MSI2: variants seen among roughly 807,000 people sequenced by gnomAD.
MSI2 encodes RNA-binding protein Musashi homolog 2.
In MSI2, 17 loss-of-function variants were observed where a neutral mutation model predicts 45.6. The observed-to-expected ratio is 0.37, with a 90% confidence interval of 0.26 to 0.56. MSI2 has a LOEUF of 0.56. Among genes scored for constraint, MSI2 ranks in the 20% least tolerant of loss-of-function variants. MSI2 has a pLI of 0.77. For missense variants in MSI2, 293 were observed against 444.2 expected, an observed-to-expected ratio of 0.66 and a Z score of 3.06; for synonymous variants, 156 against 158.2, an observed-to-expected ratio of 0.99 and a Z score of 0.11.
At chr17:57,696,801 A>G in the MSI2 span, among the ~76,000 whole-genome samples, 10 of 152,150 alleles carry the variant, frequency 6.6e-5, no homozygotes, top group Non-Finnish European at 1.2e-4. Context: ...CTGGGGTAAT[A>G]TGGATTTGAG....
Position 57,256,724 on chromosome 17 carries a change from G to C in MSI2, c.-19G>C. On this transcript the variant is annotated 5_prime_UTR_variant, in exon 1 of 14. Coordinates refer to ENST00000284073, the MANE Select transcript of MSI2 (RefSeq NM_138962.4). Reference sequence around the variant, plus strand: ...TGGGGCTTGGTTTTTTGGGGGTGGGGGGGCGGGGGGGCTCAGATATGGAGG... The same window carrying C: ...TGGGGCTTGGTTTTTTGGGGGTGGGCGGGCGGGGGGGCTCAGATATGGAGG... 1 of 581,550 alleles carries C rather than the reference G, an allele frequency of 1.7e-6. No individual in the cohort carries two copies. The highest frequency in any genetic ancestry group is 2.6e-6 in the Non-Finnish European group (1 of 390,320). The allele number at this position is 581,550 out of a possible 1,614,324, so 36.0% of individuals were successfully genotyped here.
intron 6 of MSI2, among the ~76,000 whole-genome samples, chr17:57,488,240 C>T (rs748927434): frequency 7.9e-5 from 12 of 152,166 alleles, no homozygotes; most frequent in Non-Finnish European, 1.8e-4. Context: ...CCCTTCTCCT[C>T]GTCCCAGGAG....
chr17:57,662,578 C>T (rs577125707), intron 11 of MSI2, among the ~76,000 whole-genome samples: 3 of 152,296 alleles, frequency 2.0e-5, no homozygotes, highest in African/African-American at 7.2e-5. Context: ...TGAGCCTAAG[C>T]CTGTCGTCAT....
chr17:57,496,658 G>A (rs905802687), intron 6 of MSI2, among the ~76,000 whole-genome samples: 4 of 152,304 alleles, frequency 2.6e-5, no homozygotes, highest in East Asian at 3.9e-4. Context: ...GGAGTGTTGC[G>A]GGCAGCCCTT....
intron 6 of MSI2, among the ~76,000 whole-genome samples, chr17:57,463,589 A>G (rs2085273013): frequency 6.6e-6 from 1 of 151,976 alleles, no homozygotes; most frequent in South Asian, 2.1e-4. Flanking sequence ...CTGCCTTCAC[A>G]TGGGGGTGCC....
intron 6 of MSI2, among the ~76,000 whole-genome samples, chr17:57,497,470 C>T (rs1487133647): frequency 2.6e-5 from 4 of 152,216 alleles, no homozygotes; most frequent in South Asian, 2.1e-4. Context: ...TCCCACCCTC[C>T]AGCAGTGCTG....
intron 5 of MSI2, among the ~76,000 whole-genome samples, chr17:57,284,393 C>T (rs1909688002): frequency 1.3e-5 from 2 of 152,120 alleles, no homozygotes; most frequent in Non-Finnish European, 2.9e-5. Flanking sequence ...ACTGATGTGT[C>T]TCTCACTCCA....
intron 11 of MSI2, among the ~76,000 whole-genome samples, chr17:57,668,369 T>C (rs527546728): frequency 6.6e-6 from 1 of 152,262 alleles, no homozygotes; most frequent in South Asian, 2.1e-4. Flanking sequence ...GAGTGTGACT[T>C]GACCAGAAGC....
At chr17:57,508,773 T>C (rs1454704061) in intron 6 of MSI2, among the ~76,000 whole-genome samples, 1 of 152,172 alleles carries the variant, frequency 6.6e-6, no homozygotes, top group African/African-American at 2.4e-5. Flanking sequence ...CTGGGAGATG[T>C]AGGGCACCTG....
rs1555621979 is a variant in MSI2 at position 57,547,789 on chromosome 17, C to CACAT, written c.454+18065_454+18066insACAT. 1.9e-3 allele frequency among the ~76,000 whole-genome samples: 281 copies of CACAT among 145,188 alleles called. 2 individuals are homozygous for CACAT. Among genetic ancestry groups the CACAT allele is most frequent in the Middle Eastern group, 3.6e-3 (1 of 274 alleles). ...ACACACACACACACACACACACACA[C>CACAT]GTCTCTGGAGAATTAACATAACCTA... On this transcript the variant is annotated intron_variant, in intron 7 of 13. Transcript: ENST00000284073.
At chr17:57,500,808 A>G (rs941882450) in intron 6 of MSI2, among the ~76,000 whole-genome samples, 2 of 150,430 alleles carry the variant, frequency 1.3e-5, no homozygotes, top group Non-Finnish European at 3.0e-5. Flanking sequence ...AAAAAAAAAA[A>G]AGGATTAGCA....
chr17:57,330,365 A>C (rs1480486437), intron 5 of MSI2, among the ~76,000 whole-genome samples: 2 of 150,836 alleles, frequency 1.3e-5, no homozygotes, highest in Non-Finnish European at 3.0e-5. Context: ...GCTCACTGCA[A>C]CCTCTGCCTC....
intron 10 of MSI2, chr17:57,631,642 TC>T: frequency 1.4e-6 from 1 of 692,816 alleles, no homozygotes; most frequent in Non-Finnish European, 2.4e-6. Context: ...CATCCAGGTG[TC>T]CACCCCAGCC....
At chr17:57,291,294 A>G (rs971078256) in intron 5 of MSI2, among the ~76,000 whole-genome samples, 5 of 152,182 alleles carry the variant, frequency 3.3e-5, no homozygotes, top group African/African-American at 1.2e-4. Flanking sequence ...CGCTGTGTAC[A>G]TGTGTGATCA....
At chr17:57,468,894 T>C (rs1209035538) in intron 6 of MSI2, among the ~76,000 whole-genome samples, 1 of 152,162 alleles carries the variant, frequency 6.6e-6, no homozygotes, top group African/African-American at 2.4e-5. Context: ...GACAGAATCT[T>C]TTCCCTTCTG....
chr17:57,495,504 G>T (rs1480433324), intron 6 of MSI2, among the ~76,000 whole-genome samples: 1 of 138,014 alleles, frequency 7.2e-6, no homozygotes, highest in Non-Finnish European at 1.5e-5. Flanking sequence ...CCACACTCCA[G>T]CCTGGGTGAC....
At chr17:57,349,398 G>A (rs778460271) in intron 5 of MSI2, among the ~76,000 whole-genome samples, 1 of 152,200 alleles carries the variant, frequency 6.6e-6, no homozygotes, top group African/African-American at 2.4e-5. Context: ...CATGAGAAGC[G>A]TGTGGTAAAC....
At chr17:57,663,299 A>G (rs1567966142) in intron 11 of MSI2, among the ~76,000 whole-genome samples, 1 of 152,192 alleles carries the variant, frequency 6.6e-6, no homozygotes, top group Non-Finnish European at 1.5e-5. Context: ...AGTAATTACT[A>G]CACAATTAGA....
intron 10 of MSI2, among the ~76,000 whole-genome samples, chr17:57,646,767 C>T (rs1001579638): frequency 2.0e-5 from 3 of 152,164 alleles, no homozygotes; most frequent in South Asian, 2.1e-4. Context: ...TCCCACAAGC[C>T]GTGGCCCCTG....
Sources: allele counts gnomAD v4.1 joint callset (sites outside exome capture counted in the v4.1 genomes callset), GRCh38; gene constraint gnomAD v4.1.1; transcripts MANE v1.5; gene names NCBI Gene and HGNC (gene_info 2026-07-23, HGNC 2026-07-21).